The following FAT4 variants were observed in gnomAD, a reference collection of about 807,000 sequenced individuals.
The protein encoded by FAT4 is protocadherin Fat 4.
FAT4 carries 84 observed loss-of-function variants against 303.9 expected under a neutral mutation model. The ratio of observed to expected loss-of-function variants is 0.28; its 90% CI spans 0.23 to 0.33. FAT4 has a LOEUF of 0.33. FAT4 is among the 10% of genes least tolerant of loss of function. The pLI is 1.00. For missense variants in FAT4, 6,005 were observed against 6,146.8 expected, an observed-to-expected ratio of 0.98 and a Z score of 0.77; for synonymous variants, 2,307 against 2,298.8, an observed-to-expected ratio of 1.00 and a Z score of -0.10.
At position 125,316,417 on chromosome 4, in the gene FAT4, C is replaced by G. The variant is rs2125938096; in HGVS notation, c.6C>G (p.Asp2Glu). 4 of 1,608,430 alleles carry G rather than the reference C, an allele frequency of 2.5e-6. No homozygotes were observed. The highest frequency in any genetic ancestry group is 3.4e-6 in the Non-Finnish European group (4 of 1,176,414). Residue 2 changes from aspartate (D) to glutamate (E), a missense_variant, in exon 2 of 18, where the codon GAC becomes GAG. Physicochemically the swap from Asp to Glu is conservative, Grantham distance 45. Coordinates refer to ENST00000394329, the MANE Select transcript of FAT4 (RefSeq NM_001291303.3). This position sits in a 1 kb window ranked among gnomAD's most constrained non-coding sequence, Gnocchi z 5.7. ...CGTTTTAGGGAGCCAGGACCATGGA[C>G]TTAGCACCAGACAGGGCTACTGGCC... The part of the protein sequence containing the change: M[D>E]LAPDRATGRP...
At chr4:125,323,000 T>C (rs889631307) in intron 2 of FAT4, among the ~76,000 whole-genome samples, 1 of 152,152 alleles carries the variant, frequency 6.6e-6, no homozygotes, top group Non-Finnish European at 1.5e-5. Context: ...TTATATGTAA[T>C]TGAATTTTGA....
At chr4:125,384,822 G>A (rs1733671423) in intron 2 of FAT4, among the ~76,000 whole-genome samples, 1 of 151,702 alleles carries the variant, frequency 6.6e-6, no homozygotes, top group East Asian at 1.9e-4. Flanking sequence ...AACAAGCAAA[G>A]GGCCTGAGCT....
At chr4:125,396,774 G>T (rs1734190112) in intron 2 of FAT4, among the ~76,000 whole-genome samples, 1 of 151,832 alleles carries the variant, frequency 6.6e-6, no homozygotes, top group Admixed American at 6.6e-5. Flanking sequence ...GTTCAGAGTT[G>T]AATTATGATG....
Position 125,318,982 on chromosome 4 carries a change from A to C in FAT4, c.2571A>C (p.Glu857Asp). Residue 857 changes from glutamate (E) to aspartate (D), a missense_variant, in exon 2 of 18, where the codon GAA becomes GAC. By Grantham distance (45) the Glu-to-Asp change is conservative. Coordinates refer to ENST00000394329, the MANE Select transcript of FAT4 (RefSeq NM_001291303.3). ...CCACAGCAAATGTGATTGATAGAGA[A>C]GAGCAATCCTTTTATCAGCTGAAGG... Reference protein sequence around the residue: ...QLTTANVIDREEQSFYQLKVV... With the variant: ...QLTTANVIDRDEQSFYQLKVV... 7 of 1,614,204 alleles carry C rather than the reference A, an allele frequency of 4.3e-6. No individual in the cohort carries two copies. The highest frequency in any genetic ancestry group is 5.9e-6 in the Non-Finnish European group (7 of 1,180,036).
chr4:125,491,212 C>T lies in FAT4; in HGVS notation c.14396C>T (p.Thr4799Ile), dbSNP rs564950345. 5.6e-6 allele frequency: 9 copies of T among 1,614,098 alleles called. No homozygotes were observed. Among genetic ancestry groups the T allele is most frequent in the East Asian group, 2.2e-5 (1 of 44,848 alleles). Residue 4799 changes from threonine to isoleucine, a missense_variant, in exon 18 of 18, where the codon ACA (threonine) becomes ATA (isoleucine). By Grantham distance (89) the Thr-to-Ile change is moderately conservative (BLOSUM62 -1). Coordinates refer to ENST00000394329, the MANE Select transcript of FAT4 (RefSeq NM_001291303.3). ...ATTGAAGAAGTGGAGAGGCTCAACA[C>T]ACCTCGCCCTAGAAACCCAAGTATC... ...LSIEEVERLN[T>I]PRPRNPSICS...
intron 2 of FAT4, among the ~76,000 whole-genome samples, chr4:125,370,392 C>T (rs1203972911): frequency 6.6e-6 from 1 of 152,118 alleles, no homozygotes; most frequent in Non-Finnish European, 1.5e-5. Flanking sequence ...TTAAACTGTA[C>T]AGCACCTAAC....
intron 5 of FAT4, among the ~76,000 whole-genome samples, chr4:125,409,222 C>CT (rs1553968166): frequency 6.6e-6 from 1 of 151,488 alleles, no homozygotes; most frequent in African/African-American, 2.4e-5. Context: ...AATGCAAAAA[C>CT]TAAGTTTCAC....
In FAT4 at chr4:125,415,813, A is replaced by G. The variant is rs1370965032; in HGVS notation, c.6843+7A>G. The G allele has an allele frequency of 8.9e-6, 14 of 1,578,320 alleles. No homozygotes were observed. Among genetic ancestry groups the G allele is most frequent in the Middle Eastern group, 1.7e-4 (1 of 5,866 alleles). On this transcript the variant is annotated splice_region_variant and intron_variant, in intron 6 of 17. Transcript: ENST00000394329. ...ACCCAGAACAATTCTTCAGGTCAGTATATTTAAATAAAGCAAGTATTGTCT... is the reference window on the plus strand; with the variant it reads ...ACCCAGAACAATTCTTCAGGTCAGTGTATTTAAATAAAGCAAGTATTGTCT...
Position 125,487,670 on chromosome 4 carries a change from T to C in FAT4, c.13084+64T>C, listed in dbSNP as rs1467978534. 2.0e-6 allele frequency: 3 copies of C among 1,476,864 alleles called. No individual in the cohort carries two copies. The Admixed American group carries it at 6.7e-5, about 33-fold the overall frequency. 91.5% of individuals were successfully genotyped at this position (1,476,864 alleles called of 1,614,324 possible). On this transcript the variant is annotated intron_variant, in intron 17 of 17. Coordinates refer to ENST00000394329, the MANE Select transcript of FAT4 (RefSeq NM_001291303.3). The stretch of plus-strand genomic sequence containing the variant: ...AATTGTTCTTCAAAAAGTAATTGCT[T>C]TTTCTTGTGGCAAGACTACACATTT...
At chr4:125,487,063 C>T (rs901882720) in intron 16 of FAT4, among the ~76,000 whole-genome samples, 3 of 152,052 alleles carry the variant, frequency 2.0e-5, no homozygotes, top group Non-Finnish European at 2.9e-5. Context: ...AATGGACATT[C>T]GCCCCTTTAT....
At chr4:125,424,464 G>T (rs904131810) in intron 7 of FAT4, among the ~76,000 whole-genome samples, 1 of 152,064 alleles carries the variant, frequency 6.6e-6, no homozygotes, top group Admixed American at 6.6e-5. Flanking sequence ...CCCAGCTCTG[G>T]GTTAATTGTG....
intron 15 of FAT4, among the ~76,000 whole-genome samples, chr4:125,480,285 T>C (rs1727182161): frequency 6.6e-6 from 1 of 152,156 alleles, no homozygotes; most frequent in African/African-American, 2.4e-5. Context: ...CAAAACATCA[T>C]ACAGAGCCAT....
At chr4:125,347,308 A>C (rs1732042381) in intron 2 of FAT4, among the ~76,000 whole-genome samples, 1 of 151,264 alleles carries the variant, frequency 6.6e-6, no homozygotes, top group African/African-American at 2.4e-5. Flanking sequence ...AGATAAAAAG[A>C]CCAATCAATT....
chr4:125,386,203 G>A (rs937585872), intron 2 of FAT4, among the ~76,000 whole-genome samples: 7 of 152,140 alleles, frequency 4.6e-5, no homozygotes, highest in South Asian at 2.1e-4. Context: ...TACCCTAGGC[G>A]TTATATTGAA....
At chr4:125,360,998 T>C (rs963231885) in intron 2 of FAT4, among the ~76,000 whole-genome samples, 19 of 147,996 alleles carry the variant, frequency 1.3e-4, no homozygotes, top group Non-Finnish European at 2.4e-4. Context: ...ATTTATTATT[T>C]ATAAATATTT....
chr4:125,449,011 T>C lies in FAT4; in HGVS notation c.8001T>C (p.Asn2667=). ...LDITVLDVND[N]APIFKEDPFI... ...TAACAGTATTAGATGTCAATGATAATGCCCCAATTTTTAAGGAAGACCCAT... is the reference window on the plus strand; with the variant it reads ...TAACAGTATTAGATGTCAATGATAACGCCCCAATTTTTAAGGAAGACCCAT... The change falls in exon 10 of 18, where the codon AAT becomes AAC. Residue 2667 remains asparagine, a synonymous_variant. Transcript: ENST00000394329. 6.2e-7 allele frequency: 1 copy of C among 1,613,806 alleles called. No homozygotes were observed. Among genetic ancestry groups the C allele is most frequent in the Non-Finnish European group, 8.5e-7 (1 of 1,179,828 alleles).
chr4:125,418,926 C>T (rs934171273), intron 7 of FAT4, among the ~76,000 whole-genome samples: 8 of 151,898 alleles, frequency 5.3e-5, no homozygotes, highest in African/African-American at 1.7e-4. Context: ...TTAAATGGAG[C>T]AAGTAGCAGG....
chr4:125,329,960 T>C (rs1329581251), intron 2 of FAT4, among the ~76,000 whole-genome samples: 1 of 152,228 alleles, frequency 6.6e-6, no homozygotes, highest in Non-Finnish European at 1.5e-5. Context: ...TGATAATTTC[T>C]CATCATGCTC....
chr4:125,364,161 C>T (rs1441468048), intron 2 of FAT4, among the ~76,000 whole-genome samples: 1 of 151,812 alleles, frequency 6.6e-6, no homozygotes, highest in Non-Finnish European at 1.5e-5. Flanking sequence ...TTCTCTCCAC[C>T]CCATGTGTGC....
Sources: gnomAD v4.1 joint callset for allele counts (sites outside exome capture counted in the v4.1 genomes callset) on GRCh38, gnomAD v4.1.1 for gene constraint, Gnocchi (gnomAD v3.1) non-coding constraint, MANE v1.5 for transcripts, NCBI Gene and HGNC (gene_info 2026-07-23, HGNC 2026-07-21) for gene names.